ADAMTS17: variants seen among roughly 807,000 people sequenced by gnomAD.
ADAMTS17 encodes the protein ADAM metallopeptidase with thrombospondin type 1 motif 17.
ADAMTS17 carries 113 observed loss-of-function variants against 141.5 expected under a neutral mutation model. The observed-to-expected ratio is 0.80, with a 90% CI of 0.69 to 0.93. The LOEUF (loss-of-function observed/expected upper bound fraction) is 0.93. ADAMTS17 is among the 40% of genes least tolerant of loss of function. ADAMTS17 has a pLI of 0.00. For missense variants in ADAMTS17, 1,659 were observed against 1,517.9 expected (o/e 1.09, Z -1.54); for synonymous variants, 768 against 630.6 (o/e 1.22, Z -3.27).
Position 100,247,865 on chromosome 15 carries a change from G to A in ADAMTS17, c.1075+6271C>T, listed in dbSNP as rs61256032. Among the ~76,000 whole-genome samples the A allele has an allele frequency of 7.8e-3, 1,179 of 151,738 alleles. 13 individuals carry two copies. Among genetic ancestry groups the A allele is most frequent in the African/African-American group, 0.025 (1,022 of 41,298 alleles). Reference sequence around the variant, plus strand: ...CGATGCTTTGTTCCCAAACACCACCGTCCTGGCCAGCAATATCCCCCACCC... The same window carrying A: ...CGATGCTTTGTTCCCAAACACCACCATCCTGGCCAGCAATATCCCCCACCC... On this transcript the variant is annotated intron_variant, in intron 7 of 21. Coordinates refer to ENST00000268070, the MANE Select transcript of ADAMTS17 (RefSeq NM_139057.4).
chr15:100,198,166 G>A (rs1193595655), intron 8 of ADAMTS17, among the ~76,000 whole-genome samples: 3 of 152,058 alleles, frequency 2.0e-5, no homozygotes, highest in African/African-American at 4.8e-5. Context: ...AGAACTTAGA[G>A]TAGAATTAAA....
At chr15:100,168,199 G>T (rs59562882) in intron 8 of ADAMTS17, among the ~76,000 whole-genome samples, 3,183 of 152,306 alleles carry the variant, frequency 0.021, 130 homozygotes, top group East Asian at 0.17. Context: ...CTCCTGGTCT[G>T]CCAAGGGTGC....
At chr15:100,173,371 G>A (rs1039369436) in intron 8 of ADAMTS17, among the ~76,000 whole-genome samples, 5 of 152,022 alleles carry the variant, frequency 3.3e-5, no homozygotes, top group African/African-American at 4.8e-5. Context: ...GAGAACAGTC[G>A]ATTTACAACC....
At chr15:100,063,614 A>C in intron 15 of ADAMTS17, 1 of 1,267,470 alleles carries the variant, frequency 7.9e-7, no homozygotes, top group Non-Finnish European at 1.0e-6. Flanking sequence ...GAACCAATTT[A>C]CCAGACTGAT....
intron 7 of ADAMTS17, among the ~76,000 whole-genome samples, chr15:100,233,164 A>C (rs188884138): frequency 4.5e-4 from 68 of 152,280 alleles, no homozygotes; most frequent in Admixed American, 3.2e-3. Flanking sequence ...TCCCGTCTCT[A>C]CTAAAAAGAC....
At chr15:100,078,663 T>C (rs1284993663) in intron 15 of ADAMTS17, among the ~76,000 whole-genome samples, 2 of 152,158 alleles carry the variant, frequency 1.3e-5, no homozygotes, top group Non-Finnish European at 2.9e-5. Context: ...AATTAGGCAA[T>C]AGTTTCTTAG....
chr15:100,068,634 G>A (rs896812031), intron 15 of ADAMTS17, among the ~76,000 whole-genome samples: 5 of 152,186 alleles, frequency 3.3e-5, no homozygotes, highest in Non-Finnish European at 5.9e-5. Context: ...TGATACCCAG[G>A]CCAACAGGGT....
At chr15:100,318,128 T>G (rs1394598586) in intron 3 of ADAMTS17, among the ~76,000 whole-genome samples, 1 of 152,136 alleles carries the variant, frequency 6.6e-6, no homozygotes. Context: ...TTTCAGATGA[T>G]GAGACGATGA....
chr15:100,238,293 T>A (rs1360937102), intron 7 of ADAMTS17, among the ~76,000 whole-genome samples: 1 of 151,910 alleles, frequency 6.6e-6, no homozygotes, highest in Non-Finnish European at 1.5e-5. Context: ...GCTTTCCATG[T>A]TCCCTTTATC....
intron 10 of ADAMTS17, among the ~76,000 whole-genome samples, chr15:100,136,704 A>G (rs1567235001): frequency 6.6e-6 from 1 of 152,222 alleles, no homozygotes; most frequent in East Asian, 1.9e-4. Context: ...AAGAGAACTA[A>G]AGTGATGTAA....
At chr15:100,322,671 C>T (rs1330859975) in intron 3 of ADAMTS17, among the ~76,000 whole-genome samples, 6 of 152,142 alleles carry the variant, frequency 3.9e-5, no homozygotes, top group Admixed American at 3.9e-4. Flanking sequence ...TACCATAATG[C>T]TCAAGGACTT....
intron 12 of ADAMTS17, among the ~76,000 whole-genome samples, chr15:100,125,331 T>C (rs1463823603): frequency 6.6e-6 from 1 of 152,260 alleles, no homozygotes; most frequent in East Asian, 1.9e-4. Flanking sequence ...ATTATCCATA[T>C]GAATGCCAGA....
chr15:100,284,780 C>T (rs938358005), intron 3 of ADAMTS17, among the ~76,000 whole-genome samples: 2 of 152,156 alleles, frequency 1.3e-5, no homozygotes, highest in African/African-American at 4.8e-5. Flanking sequence ...TGCACAGATG[C>T]CAATATTCAC....
In ADAMTS17 at chr15:99,989,148, G is replaced by T. The variant is rs28373281; in HGVS notation, c.2949+3900C>A. Among the ~76,000 whole-genome samples, 1,348 of 152,180 alleles carry T rather than the reference G, an allele frequency of 8.9e-3. 23 individuals carry two copies. Among genetic ancestry groups the T allele is most frequent in the African/African-American group, 0.031 (1,279 of 41,466 alleles). ...TCCAGGAGCTTGGACTCTGCCGGGG[G>T]GTGTGGGCGAGTCACGGAACTGCTC... On this transcript the variant is annotated intron_variant, in intron 20 of 21. Coordinates refer to ENST00000268070, the MANE Select transcript of ADAMTS17 (RefSeq NM_139057.4).
Position 100,330,935 on chromosome 15 carries a change from A to C in ADAMTS17, c.570T>G (p.Pro190=). ...IRRKWSLTPS[P]SAEAQRPEQL... ...GCTCAGGTCTCTGGGCCTCAGCAGAAGGGCTGGGGGTCAAGGACCATTTGC... is the reference window on the plus strand; with the variant it reads ...GCTCAGGTCTCTGGGCCTCAGCAGACGGGCTGGGGGTCAAGGACCATTTGC... Residue 190 remains proline (P), a synonymous_variant, in exon 3 of 22, where the codon CCT becomes CCG. Transcript: ENST00000268070. 1 of 1,614,154 alleles carries C rather than the reference A, an allele frequency of 6.2e-7. No individual in the cohort carries two copies. The highest frequency in any genetic ancestry group is 8.5e-7 in the Non-Finnish European group (1 of 1,180,030).
intron 20 of ADAMTS17, among the ~76,000 whole-genome samples, chr15:99,983,231 G>C (rs2060516770): frequency 6.6e-6 from 1 of 152,146 alleles, no homozygotes; most frequent in Non-Finnish European, 1.5e-5. Flanking sequence ...GTACGAGCTT[G>C]TTAATCCTCA....
chr15:100,293,715 C>T (rs1440402709), intron 3 of ADAMTS17, among the ~76,000 whole-genome samples: 2 of 152,220 alleles, frequency 1.3e-5, no homozygotes, highest in African/African-American at 4.8e-5. Context: ...TGAGAGTCTA[C>T]ACTTGCCTTC....
chr15:100,220,615 T>C (rs763679018), intron 7 of ADAMTS17, among the ~76,000 whole-genome samples: 4 of 152,190 alleles, frequency 2.6e-5, no homozygotes, highest in African/African-American at 4.8e-5. Flanking sequence ...ATGACATAAT[T>C]CGAGAAGATT....
chr15:100,185,085 G>T (rs2040661684), intron 8 of ADAMTS17, among the ~76,000 whole-genome samples: 2 of 152,236 alleles, frequency 1.3e-5, no homozygotes, highest in South Asian at 4.1e-4. Flanking sequence ...AAGCGCTACA[G>T]TCTGTGGCAG....
Sources: gnomAD v4.1 joint callset for allele counts (sites outside exome capture counted in the v4.1 genomes callset) on GRCh38, gnomAD v4.1.1 for gene constraint, MANE v1.5 for transcripts, NCBI Gene and HGNC (gene_info 2026-07-23, HGNC 2026-07-21) for gene names.